CHSY1: variants seen among roughly 807,000 people sequenced by gnomAD.
CHSY1 encodes the protein N-acetylgalactosaminyl-proteoglycan 3-beta-glucuronosyltransferase 1.
Under a neutral mutation model 59.8 loss-of-function variants are expected in CHSY1, and 13 were observed. The ratio of observed to expected loss-of-function variants is 0.22; its 90% CI spans 0.14 to 0.35. CHSY1 has a LOEUF of 0.35. Among genes scored for constraint, CHSY1 ranks in the 10% least tolerant of loss-of-function variants. CHSY1 has a pLI of 1.00. For missense variants in CHSY1, 947 were observed against 1,030.6 expected (o/e 0.92, Z 1.11); for synonymous variants, 459 against 401.2 (o/e 1.14, Z -1.72).
rs2038636189 is a variant in CHSY1, at chr15:101,207,256, G to C, written c.816+27826C>G. Among the ~76,000 whole-genome samples, 6 of 152,286 alleles carry C rather than the reference G, an allele frequency of 3.9e-5. No individual in the cohort carries two copies. The South Asian group carries it at 8.3e-4, about 21-fold the overall frequency. On this transcript the variant is annotated intron_variant, in intron 2 of 2. Transcript: ENST00000254190. Reference sequence around the variant, plus strand: ...GTCTTTTCTTCTATACCTCATTTTTGGAAATAAAAAGTCTTTGGCTGAAAG... The same window carrying C: ...GTCTTTTCTTCTATACCTCATTTTTCGAAATAAAAAGTCTTTGGCTGAAAG...
At chr15:101,244,766 A>G (rs1306844151) in intron 1 of CHSY1, among the ~76,000 whole-genome samples, 1 of 152,218 alleles carries the variant, frequency 6.6e-6, no homozygotes, top group East Asian at 1.9e-4. Flanking sequence ...CCTCATGTCA[A>G]TAAAAGTATT....
intron 2 of CHSY1, among the ~76,000 whole-genome samples, chr15:101,232,142 C>T (rs11636362): frequency 0.31 from 47,417 of 152,072 alleles, 9,164 homozygotes; most frequent in African/African-American, 0.55. Context: ...TCCCAAGGTA[C>T]TATTTCTACT....
At chr15:101,238,474 G>A (rs1378485575) in intron 1 of CHSY1, among the ~76,000 whole-genome samples, 1 of 152,194 alleles carries the variant, frequency 6.6e-6, no homozygotes, top group Non-Finnish European at 1.5e-5. Context: ...CTCAAAAAGT[G>A]CAAGGATTAA....
chr15:101,185,137 G>C lies in CHSY1; in HGVS notation c.817-6157C>G, dbSNP rs1439945678. On this transcript the variant is annotated intron_variant, in intron 2 of 2. Transcript: ENST00000254190. Reference sequence around the variant, plus strand: ...TAAATGGCTTTGGTGTAGAGGTAGGGAAACATTTTCTTGTTACCCTCAGCG... The same window carrying C: ...TAAATGGCTTTGGTGTAGAGGTAGGCAAACATTTTCTTGTTACCCTCAGCG... Among the ~76,000 whole-genome samples, 8 of 152,308 alleles carry C rather than the reference G, an allele frequency of 5.3e-5. No homozygotes were observed. The South Asian group carries it at 1.4e-3, about 28-fold the overall frequency.
At position 101,226,361 on chromosome 15, in the gene CHSY1, A is replaced by AC. The variant is rs1206276763; in HGVS notation, c.816+8720dup. ...ATCAACTCAATTTATCCTTGGAACC[A>AC]CCCTATAACGTAGACAATTTTTACC... On this transcript the variant is annotated intron_variant, in intron 2 of 2. Coordinates refer to ENST00000254190, the MANE Select transcript of CHSY1 (RefSeq NM_014918.5). Among the ~76,000 whole-genome samples, 4 of 152,262 alleles carry AC rather than the reference A, an allele frequency of 2.6e-5. No individual in the cohort carries two copies. The East Asian group carries it at 7.7e-4, about 29-fold the overall frequency.
intron 2 of CHSY1, among the ~76,000 whole-genome samples, chr15:101,192,117 C>T (rs1450730837): frequency 6.6e-6 from 1 of 152,212 alleles, no homozygotes; most frequent in Non-Finnish European, 1.5e-5. Flanking sequence ...ATACTTCTCT[C>T]TCTCTCAACA....
At chr15:101,243,228 C>A (rs2039019857) in intron 1 of CHSY1, among the ~76,000 whole-genome samples, 1 of 152,148 alleles carries the variant, frequency 6.6e-6, no homozygotes, top group Non-Finnish European at 1.5e-5. Context: ...TGAAACATCA[C>A]AATTAAAATT....
chr15:101,183,292 T>C (rs904108591), intron 2 of CHSY1, among the ~76,000 whole-genome samples: 1 of 152,126 alleles, frequency 6.6e-6, no homozygotes, highest in Non-Finnish European at 1.5e-5. Flanking sequence ...GTATAAAAAG[T>C]ACAGTATAAA....
chr15:101,190,595 T>C (rs368731659), intron 2 of CHSY1, among the ~76,000 whole-genome samples: 2 of 152,190 alleles, frequency 1.3e-5, no homozygotes, highest in East Asian at 1.9e-4. Flanking sequence ...ACACTCCATG[T>C]AAGAATTGAT....
At chr15:101,232,555 C>T (rs1326741444) in intron 2 of CHSY1, among the ~76,000 whole-genome samples, 3 of 152,100 alleles carry the variant, frequency 2.0e-5, no homozygotes, top group Non-Finnish European at 4.4e-5. Flanking sequence ...CAGGAGAAAA[C>T]ATATTCGTGA....
chr15:101,244,926 T>A (rs140107435), intron 1 of CHSY1, among the ~76,000 whole-genome samples: 6 of 152,190 alleles, frequency 3.9e-5, no homozygotes, highest in Non-Finnish European at 7.3e-5. Context: ...ACCTTTAAAA[T>A]TCCTTTGGAA....
chr15:101,230,261 G>A (rs1369520209), intron 2 of CHSY1, among the ~76,000 whole-genome samples: 4 of 152,138 alleles, frequency 2.6e-5, no homozygotes, highest in Non-Finnish European at 5.9e-5. Flanking sequence ...GATAGAACAT[G>A]CAGCATTAGT....
chr15:101,178,092 C>A lies in CHSY1; in HGVS notation c.1705G>T (p.Val569Phe). 1 of 1,614,172 alleles carries A rather than the reference C, an allele frequency of 6.2e-7. No individual in the cohort carries two copies. The highest frequency in any genetic ancestry group is 8.5e-7 in the Non-Finnish European group (1 of 1,180,026). Residue 569 changes from valine (V) to phenylalanine (F), a missense_variant, in exon 3 of 3, where the codon GTT (valine) becomes TTT (phenylalanine). Around this residue, in one of 4 missense-constraint regions of CHSY1, gnomAD observed 602 missense variants for 676.9 expected, o/e 0.89. Transcript: ENST00000254190. Reference sequence around the variant, plus strand: ...TTGGAGTCAGAATTGAAAAGCAGAACCACGAGCTTGACGTTCTGATTGGGG... The same window carrying A: ...TTGGAGTCAGAATTGAAAAGCAGAAACACGAGCTTGACGTTCTGATTGGGG... Reference protein sequence around the residue: ...LIPNQNVKLVVLLFNSDSNPD... With the variant: ...LIPNQNVKLVFLLFNSDSNPD...
At chr15:101,189,829 C>T (rs538828514) in intron 2 of CHSY1, among the ~76,000 whole-genome samples, 4 of 152,246 alleles carry the variant, frequency 2.6e-5, no homozygotes, top group Non-Finnish European at 5.9e-5. Context: ...ACTCCAGCGG[C>T]GCTGGGACAG....
At chr15:101,181,313 C>A (rs1003437770) in intron 2 of CHSY1, among the ~76,000 whole-genome samples, 1 of 152,228 alleles carries the variant, frequency 6.6e-6, no homozygotes, top group African/African-American at 2.4e-5. Flanking sequence ...GATGACAATT[C>A]CGGCAGAGAT....
chr15:101,221,072 A>G (rs1051444116), intron 2 of CHSY1, among the ~76,000 whole-genome samples: 3 of 151,878 alleles, frequency 2.0e-5, no homozygotes, highest in African/African-American at 7.3e-5. Flanking sequence ...TTGTCTCCTT[A>G]TTTTCGGACA....
At chr15:101,187,298 G>A (rs193132282) in intron 2 of CHSY1, among the ~76,000 whole-genome samples, 7 of 152,272 alleles carry the variant, frequency 4.6e-5, no homozygotes, top group Non-Finnish European at 8.8e-5. Flanking sequence ...GGCCAATGTG[G>A]TGAAACACTG....
intron 2 of CHSY1, among the ~76,000 whole-genome samples, chr15:101,192,959 T>C (rs2038463818): frequency 6.6e-6 from 1 of 152,258 alleles, no homozygotes; most frequent in African/African-American, 2.4e-5. Context: ...AAATAATTTA[T>C]GTGATTTTAT....
Position 101,213,297 on chromosome 15 carries a change from T to TGG in CHSY1, c.816+21784_816+21785insCC, listed in dbSNP as rs767431552. 3.8e-3 allele frequency among the ~76,000 whole-genome samples: 553 copies of TGG among 144,486 alleles called. 13 individuals are homozygous for TGG. Among genetic ancestry groups the TGG allele is most frequent in the East Asian group, 0.025 (100 of 4,048 alleles). 94.8% of individuals were successfully genotyped at this position (144,486 alleles called of 152,430 possible). A position where few individuals can be genotyped will look rare whatever the true frequency, so the allele number is the denominator to read the frequency against. On this transcript the variant is annotated intron_variant, in intron 2 of 2. Transcript: ENST00000254190. ...GCTACAGTGTTGTAAAATCCTTGCA[T>TGG]TTTTTCTGGGAAGTGATACTAGTTT...
Sources: allele counts gnomAD v4.1 joint callset (sites outside exome capture counted in the v4.1 genomes callset), GRCh38; gene constraint gnomAD v4.1.1; regional missense constraint gnomAD v4.1.1; transcripts MANE v1.5; gene names NCBI Gene and HGNC (gene_info 2026-07-23, HGNC 2026-07-21).